The following IDO2 variants were observed in gnomAD, a reference collection of about 807,000 sequenced individuals.
IDO2 encodes the protein indoleamine 2,3-dioxygenase-like 1 protein.
A neutral mutation model predicts 45.1 loss-of-function variants in IDO2; 46 were observed. The observed-to-expected ratio is 1.02, with a 90% CI of 0.80 to 1.30. The LOEUF (loss-of-function observed/expected upper bound fraction) is 1.30, where lower values mean the gene tolerates loss of function less well. IDO2 is among the 50% of genes most tolerant of loss of function. The pLI is 0.00. For missense variants in IDO2, 544 were observed against 491.8 expected (o/e 1.11, Z -1.00); for synonymous variants, 218 against 184.9 (o/e 1.18, Z -1.45).
chr8:40,014,569 T>A (rs1054709309), intron 10 of IDO2, among the ~76,000 whole-genome samples: 1 of 152,198 alleles, frequency 6.6e-6, no homozygotes, highest in South Asian at 2.1e-4. Flanking sequence ...ACCAGAGTAT[T>A]CAGCTAGTCA....
intron 3 of IDO2, among the ~76,000 whole-genome samples, chr8:39,966,436 C>G (rs1808086692): frequency 6.6e-6 from 1 of 152,182 alleles, no homozygotes; most frequent in Non-Finnish European, 1.5e-5. Flanking sequence ...GAGAAGCAAA[C>G]ACAATAGTTT....
At chr8:39,963,334 T>C (rs1298585867) in intron 2 of IDO2, among the ~76,000 whole-genome samples, 1 of 152,246 alleles carries the variant, frequency 6.6e-6, no homozygotes, top group African/African-American at 2.4e-5. Context: ...TTGCAAGTTA[T>C]TTGGCTCACA....
chr8:39,946,416 G>A (rs1807730973), intron 1 of IDO2, among the ~76,000 whole-genome samples: 1 of 151,968 alleles, frequency 6.6e-6, no homozygotes, highest in African/African-American at 2.4e-5. Context: ...GAGACCATCT[G>A]GCTAACATGG....
intron 8 of IDO2, among the ~76,000 whole-genome samples, chr8:40,002,477 C>T (rs4736962): frequency 0.12 from 17,612 of 152,202 alleles, 1,412 homozygotes; most frequent in East Asian, 0.34. Context: ...CTGTTAGAAT[C>T]ATCTAGCCAA....
intron 3 of IDO2, among the ~76,000 whole-genome samples, chr8:39,978,539 G>T (rs1295465668): frequency 1.3e-5 from 2 of 152,150 alleles, no homozygotes; most frequent in African/African-American, 4.8e-5. Context: ...CTATAGGCAT[G>T]GAGGGCGGGG....
chr8:39,969,081 C>T (rs1030935975), intron 3 of IDO2, among the ~76,000 whole-genome samples: 2 of 152,108 alleles, frequency 1.3e-5, no homozygotes, highest in Non-Finnish European at 2.9e-5. Flanking sequence ...ATTGGTAAAT[C>T]AGTTTTTCAT....
At chr8:39,984,456 C>T (rs1808395082) in intron 5 of IDO2, among the ~76,000 whole-genome samples, 2 of 152,184 alleles carry the variant, frequency 1.3e-5, no homozygotes, top group African/African-American at 2.4e-5. Flanking sequence ...GCCTGGGTGA[C>T]AGAGTGAGAT....
intron 1 of IDO2, among the ~76,000 whole-genome samples, chr8:39,943,958 A>G (rs1043937430): frequency 2.0e-5 from 3 of 152,068 alleles, no homozygotes; most frequent in African/African-American, 4.8e-5. Flanking sequence ...TTGTCCTGGC[A>G]CAGAAGGAGC....
At chr8:40,014,748 T>C (rs951211056) in intron 10 of IDO2, among the ~76,000 whole-genome samples, 1 of 152,206 alleles carries the variant, frequency 6.6e-6, no homozygotes, top group African/African-American at 2.4e-5. Flanking sequence ...CCATCTCCTG[T>C]CAACTGTTAG....
chr8:40,015,824 G>A, exon 11 of IDO2: 1 of 526,836 alleles, frequency 1.9e-6, no homozygotes. Flanking sequence ...CTGCTTAACG[G>A]CATGTATAAT....
intron 8 of IDO2, among the ~76,000 whole-genome samples, chr8:39,992,087 A>T (rs1801941747): frequency 1.3e-5 from 2 of 152,244 alleles, no homozygotes; most frequent in Non-Finnish European, 2.9e-5. Flanking sequence ...TTTTCTAAAG[A>T]TGGCCCCATG....
Position 40,015,494 on chromosome 8 carries a change from G to A in IDO2, c.1116G>A (p.Gly372=), listed in dbSNP as rs374890915. ...ATGGGAAGCCAAACCATCTCCCAGG[G>A]CCTCCTCAGGCTTTAAAAGACAGGG... is the stretch of plus-strand genomic sequence containing the variant. Residue 372 remains glycine (G), a synonymous_variant, in exon 11 of 11, where the codon GGG becomes GGA. Transcript: ENST00000502986. 2.5e-5 allele frequency: 41 copies of A among 1,613,880 alleles called. No individual in the cohort carries two copies. In the African/African-American group the frequency reaches 4.5e-4, roughly 18 times the overall value.
chr8:39,963,184 C>A (rs1347816003), intron 2 of IDO2, among the ~76,000 whole-genome samples: 1 of 152,222 alleles, frequency 6.6e-6, no homozygotes, highest in Non-Finnish European at 1.5e-5. Flanking sequence ...GTCCCCTCTA[C>A]CTTTACTACC....
exon 11 of IDO2, chr8:40,015,865 A>G (rs756486148): frequency 1.0e-4 from 43 of 428,202 alleles, no homozygotes; most frequent in Non-Finnish European, 1.8e-4. Flanking sequence ...CCCCCAGAGG[A>G]GTGACTGTAT....
chr8:39,954,802 C>T (rs1017573048), intron 2 of IDO2, among the ~76,000 whole-genome samples: 2 of 151,606 alleles, frequency 1.3e-5, no homozygotes, highest in African/African-American at 2.4e-5. Flanking sequence ...ATTACAGGTG[C>T]GCACCACAAA....
chr8:39,940,823 T>C (rs1807631161), intron 1 of IDO2, among the ~76,000 whole-genome samples: 2 of 151,658 alleles, frequency 1.3e-5, no homozygotes, highest in African/African-American at 2.4e-5. Context: ...GTGATGGAGA[T>C]GTCAATTACC....
intron 9 of IDO2, among the ~76,000 whole-genome samples, chr8:40,006,405 G>T (rs757723431): frequency 1.3e-5 from 2 of 152,162 alleles, no homozygotes; most frequent in Non-Finnish European, 2.9e-5. Context: ...TGTTTGGTAG[G>T]TCAGATGTAT....
At chr8:39,938,620 G>C (rs1393755661) in intron 1 of IDO2, among the ~76,000 whole-genome samples, 3 of 152,072 alleles carry the variant, frequency 2.0e-5, no homozygotes, top group African/African-American at 7.2e-5. Context: ...AATGTGATCT[G>C]TGAAAGGCAT....
chr8:39,985,580 C>A (rs1247666544), intron 6 of IDO2, 58 bp downstream of exon 6: 37 of 1,392,396 alleles, frequency 2.7e-5, no homozygotes, highest in Non-Finnish European at 3.5e-5. Context: ...TAAAATCTTA[C>A]AATAAAACAA....
Sources: allele counts gnomAD v4.1 joint callset (sites outside exome capture counted in the v4.1 genomes callset), GRCh38; gene constraint gnomAD v4.1.1; transcripts MANE v1.5; gene names NCBI Gene and HGNC (gene_info 2026-07-23, HGNC 2026-07-21).